KCNH1: variants seen among roughly 807,000 people sequenced by gnomAD.
KCNH1 encodes the protein voltage-gated delayed rectifier potassium channel KCNH1.
Under a neutral mutation model 69.2 loss-of-function variants are expected in KCNH1, and 27 were observed. The observed-to-expected ratio is 0.39, with a 90% confidence interval of 0.29 to 0.54. KCNH1 has a LOEUF of 0.54. Among genes scored for constraint, KCNH1 ranks in the 20% least tolerant of loss-of-function variants. The pLI, the probability that KCNH1 is intolerant of heterozygous loss-of-function variation, is 0.68. For missense variants in KCNH1, 798 were observed against 1,261.6 expected (o/e 0.63, Z 5.57); for synonymous variants, 456 against 487.7 (o/e 0.93, Z 0.86).
At chr1:211,052,743 T>C (rs569998713) in intron 5 of KCNH1, among the ~76,000 whole-genome samples, 1 of 152,318 alleles carries the variant, frequency 6.6e-6, no homozygotes, top group African/African-American at 2.4e-5. Context: ...AGGATTTGGG[T>C]ATGGCCTCAG....
chr1:210,914,592 G>T (rs559739715), intron 7 of KCNH1, among the ~76,000 whole-genome samples: 2 of 152,178 alleles, frequency 1.3e-5, no homozygotes, highest in Admixed American at 1.3e-4. Flanking sequence ...AGGCAAGAAG[G>T]CAATAGAAGG....
At chr1:210,876,892 C>G (rs1686387480) in intron 7 of KCNH1, among the ~76,000 whole-genome samples, 1 of 151,956 alleles carries the variant, frequency 6.6e-6, no homozygotes, top group African/African-American at 2.4e-5. Flanking sequence ...TGTTCTGCCT[C>G]CAGAGGATTA....
chr1:210,796,048 G>A lies in KCNH1; in HGVS notation c.1915+1460C>T, dbSNP rs185467940. Among the ~76,000 whole-genome samples the A allele has an allele frequency of 5.0e-4, 76 of 151,324 alleles. 2 individuals carry two copies. In the East Asian group the frequency reaches 7.0e-3, roughly 14 times the overall value. ...TGGGTGCATGTAGTCCCAGCTACTCGGGAGGCTGAGGCAGGAGAATGGCGT... is the reference window on the plus strand; with the variant it reads ...TGGGTGCATGTAGTCCCAGCTACTCAGGAGGCTGAGGCAGGAGAATGGCGT... On this transcript the variant is annotated intron_variant, in intron 9 of 10. Transcript: ENST00000271751.
intron 7 of KCNH1, among the ~76,000 whole-genome samples, chr1:210,918,440 C>T (rs1463069227): frequency 2.0e-5 from 3 of 152,210 alleles, no homozygotes; most frequent in Non-Finnish European, 2.9e-5. Flanking sequence ...GGCAGTTTCA[C>T]AATGAGTCCA....
intron 7 of KCNH1, among the ~76,000 whole-genome samples, chr1:210,912,853 C>T (rs1687260905): frequency 6.6e-6 from 1 of 152,202 alleles, no homozygotes; most frequent in African/African-American, 2.4e-5. Flanking sequence ...AGAGAAAGAG[C>T]AAGATGACCC....
At chr1:210,920,891 C>T (rs762964642) in intron 6 of KCNH1, among the ~76,000 whole-genome samples, 6 of 152,186 alleles carry the variant, frequency 3.9e-5, no homozygotes, top group Non-Finnish European at 4.4e-5. Flanking sequence ...TCTGATTTCA[C>T]CTGGTCAAGC....
chr1:210,703,425 T>C (rs539756282), intron 10 of KCNH1, among the ~76,000 whole-genome samples: 1 of 152,334 alleles, frequency 6.6e-6, no homozygotes, highest in South Asian at 2.1e-4. Context: ...TTCTCATACA[T>C]CACTGGCAAG....
intron 6 of KCNH1, among the ~76,000 whole-genome samples, chr1:210,967,554 C>T (rs975175496): frequency 2.6e-5 from 4 of 152,044 alleles, no homozygotes; most frequent in African/African-American, 9.7e-5. Flanking sequence ...ATTGAGTGGT[C>T]CTTCCTTACC....
intron 7 of KCNH1, among the ~76,000 whole-genome samples, chr1:210,825,599 C>T (rs1345700851): frequency 6.6e-6 from 1 of 152,114 alleles, no homozygotes; most frequent in Non-Finnish European, 1.5e-5. Context: ...TCTGAAAAGG[C>T]CTGAGACCAC....
chr1:211,106,630 CAA>C (rs370857373), intron 2 of KCNH1, among the ~76,000 whole-genome samples: 1 of 137,686 alleles, frequency 7.3e-6, no homozygotes. Flanking sequence ...ACTAAAAATA[CAA>C]AAAAAAAAAA....
At position 211,103,503 on chromosome 1, in the gene KCNH1, C is replaced by T. The variant is rs1691298691; in HGVS notation, c.303G>A (p.Lys101=). 2 of 1,601,300 alleles carry T rather than the reference C, an allele frequency of 1.2e-6. No individual in the cohort carries two copies. The highest frequency in any genetic ancestry group is 1.3e-5 in the African/African-American group (1 of 74,608). The change falls in exon 3 of 11, where the codon AAG becomes AAA. Residue 101 remains lysine, a synonymous_variant. Coordinates refer to ENST00000271751, the MANE Select transcript of KCNH1 (RefSeq NM_172362.3). ...AATGGTCTCAATACTCACTGTTCTTCTTGTACATCAGAATTTCAAAGGAAT... is the reference window on the plus strand; with the variant it reads ...AATGGTCTCAATACTCACTGTTCTTTTTGTACATCAGAATTTCAAAGGAAT... ...EMNSFEILMY[K]KNRTPVWFFV...
intron 6 of KCNH1, among the ~76,000 whole-genome samples, chr1:210,977,708 T>C (rs1428626422): frequency 6.6e-6 from 1 of 152,224 alleles, no homozygotes; most frequent in Non-Finnish European, 1.5e-5. Flanking sequence ...CCCAATGTTT[T>C]ACATAGTTAA....
At chr1:211,081,844 C>G (rs972204815) in intron 5 of KCNH1, among the ~76,000 whole-genome samples, 1 of 152,044 alleles carries the variant, frequency 6.6e-6, no homozygotes, top group Non-Finnish European at 1.5e-5. Context: ...GGAGGGATAG[C>G]GTTAGGAGAA....
intron 1 of KCNH1, among the ~76,000 whole-genome samples, chr1:211,110,864 G>C (rs1691447947): frequency 1.3e-5 from 2 of 152,084 alleles, no homozygotes; most frequent in African/African-American, 2.4e-5. Flanking sequence ...ATCCAGAATG[G>C]ATAAATCTAT....
intron 9 of KCNH1, among the ~76,000 whole-genome samples, chr1:210,788,393 T>A (rs1684143124): frequency 6.6e-6 from 1 of 152,212 alleles, no homozygotes; most frequent in African/African-American, 2.4e-5. Context: ...CTTCTTCATA[T>A]CATTATCATA....
intron 5 of KCNH1, among the ~76,000 whole-genome samples, chr1:211,081,225 C>T (rs1472010253): frequency 1.3e-5 from 2 of 152,208 alleles, no homozygotes; most frequent in Non-Finnish European, 2.9e-5. Flanking sequence ...AAATGCTCAT[C>T]ATCACTGGTC....
intron 3 of KCNH1, among the ~76,000 whole-genome samples, chr1:211,102,964 A>G (rs1691286887): frequency 6.6e-6 from 1 of 152,268 alleles, no homozygotes; most frequent in African/African-American, 2.4e-5. Context: ...ATACTTCTGT[A>G]TGGCTACTGA....
chr1:210,854,777 A>G (rs1449543121), intron 7 of KCNH1, among the ~76,000 whole-genome samples: 1 of 152,200 alleles, frequency 6.6e-6, no homozygotes, highest in Non-Finnish European at 1.5e-5. Context: ...GCTGAGAACT[A>G]AAAATAAAAG....
intron 6 of KCNH1, among the ~76,000 whole-genome samples, chr1:210,948,625 C>A (rs900453860): frequency 6.6e-6 from 1 of 151,738 alleles, no homozygotes; most frequent in Non-Finnish European, 1.5e-5. Flanking sequence ...GTCAGGAGAT[C>A]GAGACCATCC....
Sources: gnomAD v4.1 joint callset for allele counts (sites outside exome capture counted in the v4.1 genomes callset) on GRCh38, gnomAD v4.1.1 for gene constraint, MANE v1.5 for transcripts, NCBI Gene and HGNC (gene_info 2026-07-23, HGNC 2026-07-21) for gene names.